Variants in IMMP2L observed in about 807,000 individuals in gnomAD.
The protein encoded by IMMP2L is inner mitochondrial membrane peptidase subunit 2.
In IMMP2L, 18 loss-of-function variants were observed where a neutral mutation model predicts 19.3. The observed-to-expected ratio is 0.93, with a 90% CI of 0.64 to 1.38. The LOEUF (loss-of-function observed/expected upper bound fraction) is 1.38, where lower values mean the gene tolerates loss of function less well. IMMP2L is among the 40% of genes most tolerant of loss of function. The pLI is 0.00. For synonymous variants in IMMP2L, 76 were observed against 73.0 expected, an observed-to-expected ratio of 1.04 and a Z score of -0.21; for missense variants, 233 against 218.2, an observed-to-expected ratio of 1.07 and a Z score of -0.43.
chr7:111,111,591 AT>A (rs2129583748), intron 3 of IMMP2L, among the ~76,000 whole-genome samples: 1 of 152,244 alleles, frequency 6.6e-6, no homozygotes, highest in African/African-American at 2.4e-5. Context: ...GTCAAATATT[AT>A]AAACACATTA....
chr7:110,986,184 T>C (rs1343010009), intron 3 of IMMP2L, among the ~76,000 whole-genome samples: 6 of 152,144 alleles, frequency 3.9e-5, no homozygotes, highest in Non-Finnish European at 8.8e-5. Context: ...CTGCTCAGAA[T>C]TAATTTCATT....
At chr7:111,235,657 T>G (rs1399884597) in intron 3 of IMMP2L, among the ~76,000 whole-genome samples, 1 of 152,096 alleles carries the variant, frequency 6.6e-6, no homozygotes, top group Non-Finnish European at 1.5e-5. Flanking sequence ...GGTATTAGTT[T>G]GATTATAATA....
intron 3 of IMMP2L, among the ~76,000 whole-genome samples, chr7:111,482,196 G>GTCACTAACGAGATTTGGTTAATATGTTT (rs1842251146): frequency 6.6e-6 from 1 of 152,192 alleles, no homozygotes; most frequent in African/African-American, 2.4e-5. Flanking sequence ...CAGGCTTAGA[G>GTCACTAACGAGATTTGGTTAATATGTTT]TCAAATGAAT....
chr7:111,281,768 AAAAC>A lies in IMMP2L; in HGVS notation c.239+205466_239+205469del, dbSNP rs539882743. Among the ~76,000 whole-genome samples, 50 of 152,336 alleles carry A rather than the reference AAAAC, an allele frequency of 3.3e-4. No homozygotes were observed. In the East Asian group the frequency reaches 5.6e-3, roughly 17 times the overall value. On this transcript the variant is annotated intron_variant, in intron 3 of 5. Transcript: ENST00000405709. ...TAGGAAATGACATCAAGTGGCACCA[AAAAC>A]AAACAAATTTGATTTCATACAGTGA...
At chr7:110,684,122 T>C (rs192794174) in intron 5 of IMMP2L, among the ~76,000 whole-genome samples, 31 of 152,246 alleles carry the variant, frequency 2.0e-4, no homozygotes, top group African/African-American at 6.5e-4. Context: ...AGATGAGCCA[T>C]GTCAAATATA....
intron 4 of IMMP2L, among the ~76,000 whole-genome samples, chr7:110,897,563 T>C (rs962509388): frequency 6.6e-6 from 1 of 152,194 alleles, no homozygotes; most frequent in Non-Finnish European, 1.5e-5. Context: ...AAAAATTCAT[T>C]TGCCTTAAGA....
intron 5 of IMMP2L, among the ~76,000 whole-genome samples, chr7:110,678,456 A>G (rs376983394): frequency 2.0e-5 from 3 of 152,264 alleles, no homozygotes; most frequent in African/African-American, 7.2e-5. Flanking sequence ...AGAAAAGGTG[A>G]ATATTTACCA....
At chr7:110,762,193 T>TA (rs1449743560) in intron 5 of IMMP2L, among the ~76,000 whole-genome samples, 1 of 152,156 alleles carries the variant, frequency 6.6e-6, no homozygotes, top group Non-Finnish European at 1.5e-5. Flanking sequence ...TTATATAAAA[T>TA]AACTTCTTAG....
intron 3 of IMMP2L, among the ~76,000 whole-genome samples, chr7:111,366,744 G>T (rs1829800414): frequency 6.6e-6 from 1 of 151,858 alleles, no homozygotes; most frequent in Non-Finnish European, 1.5e-5. Flanking sequence ...AAAAAAAGAA[G>T]AATATATACA....
At chr7:110,908,559 C>T (rs924169843) in intron 4 of IMMP2L, among the ~76,000 whole-genome samples, 1 of 152,154 alleles carries the variant, frequency 6.6e-6, no homozygotes, top group African/African-American at 2.4e-5. Flanking sequence ...GTTCCCAAAC[C>T]ATGCAGCGTG....
intron 3 of IMMP2L, among the ~76,000 whole-genome samples, chr7:111,050,573 T>G (rs1453266597): frequency 6.6e-6 from 1 of 152,216 alleles, no homozygotes. Flanking sequence ...GCTTTTTGCC[T>G]GGCAGATTGA....
intron 5 of IMMP2L, among the ~76,000 whole-genome samples, chr7:110,829,259 A>G (rs948864401): frequency 3.3e-5 from 5 of 152,210 alleles, no homozygotes; most frequent in East Asian, 1.9e-4. Flanking sequence ...AGACTAAAAC[A>G]GACATCACCA....
chr7:111,148,020 T>C (rs1372032617), intron 3 of IMMP2L, among the ~76,000 whole-genome samples: 1 of 152,016 alleles, frequency 6.6e-6, no homozygotes, highest in Non-Finnish European at 1.5e-5. Context: ...ACCCCAAGAG[T>C]ACCGAAAACA....
At chr7:110,843,147 A>T (rs1211132984) in intron 5 of IMMP2L, among the ~76,000 whole-genome samples, 2 of 152,206 alleles carry the variant, frequency 1.3e-5, no homozygotes, top group Non-Finnish European at 2.9e-5. Context: ...AAGACAGTGA[A>T]CATGAACTTT....
At chr7:111,436,943 G>C (rs1837232521) in intron 3 of IMMP2L, among the ~76,000 whole-genome samples, 1 of 151,582 alleles carries the variant, frequency 6.6e-6, no homozygotes, top group African/African-American at 2.4e-5. Context: ...AACAGATTTT[G>C]CATGAACTTA....
At chr7:110,678,863 A>AT in intron 5 of IMMP2L, among the ~76,000 whole-genome samples, 1 of 152,300 alleles carries the variant, frequency 6.6e-6, no homozygotes, top group Non-Finnish European at 1.5e-5. Flanking sequence ...GGTTGATACA[A>AT]TGCAATATTT....
intron 5 of IMMP2L, among the ~76,000 whole-genome samples, chr7:110,732,393 T>C (rs1796329500): frequency 6.6e-6 from 1 of 152,212 alleles, no homozygotes; most frequent in Non-Finnish European, 1.5e-5. Context: ...AACAAGTCTC[T>C]ATAATCTTTT....
intron 3 of IMMP2L, among the ~76,000 whole-genome samples, chr7:110,968,374 G>A (rs1223297650): frequency 1.3e-5 from 2 of 151,996 alleles, no homozygotes; most frequent in Non-Finnish European, 2.9e-5. Flanking sequence ...ATTCTTGCAT[G>A]AGAAAAGTCC....
At chr7:110,767,079 C>T (rs1798714690) in intron 5 of IMMP2L, among the ~76,000 whole-genome samples, 1 of 152,126 alleles carries the variant, frequency 6.6e-6, no homozygotes, top group African/African-American at 2.4e-5. Flanking sequence ...ATCAGCATTT[C>T]CTGTTTTTCT....
Sources: allele counts gnomAD v4.1 joint callset (sites outside exome capture counted in the v4.1 genomes callset), GRCh38; gene constraint gnomAD v4.1.1; transcripts MANE v1.5; gene names NCBI Gene and HGNC (gene_info 2026-07-23, HGNC 2026-07-21).